Variants in ACSM3 observed in about 807,000 individuals in gnomAD.
ACSM3 encodes the protein acyl-coenzyme A synthetase ACSM3, mitochondrial.
ACSM3 carries 61 observed loss-of-function variants against 74.1 expected under a neutral mutation model. The ratio of observed to expected loss-of-function variants is 0.82; its 90% confidence interval spans 0.67 to 1.02. ACSM3 has a LOEUF of 1.02. ACSM3 is among the 50% of genes least tolerant of loss of function. The probability of loss-of-function intolerance (pLI) is 0.00; values close to 1 mark genes in which losing one functional copy is unlikely to be tolerated. For synonymous variants in ACSM3, 213 were observed against 241.5 expected (o/e 0.88, Z 1.09); for missense variants, 660 against 697.0 (o/e 0.95, Z 0.60).
rs137941767 is a variant in ACSM3, at chr16:20,793,393, C to T, written c.1554+1058C>T. On this transcript the variant is annotated intron_variant, in intron 12 of 13. Coordinates refer to ENST00000289416, the MANE Select transcript of ACSM3 (RefSeq NM_005622.4). ...CTGAGGCAGAAGAATCACTTGGACCCGGGACGGGGAGGTTACAGTGAGCCA... is the reference window on the plus strand; with the variant it reads ...CTGAGGCAGAAGAATCACTTGGACCTGGGACGGGGAGGTTACAGTGAGCCA... 2.4e-3 allele frequency among the ~76,000 whole-genome samples: 366 copies of T among 152,240 alleles called. 1 individual carries two copies. Among genetic ancestry groups the T allele is most frequent in the African/African-American group, 7.8e-3 (326 of 41,530 alleles).
intron 1 of ACSM3, chr16:20,685,056 T>C (rs2079521610): frequency 1.2e-6 from 1 of 827,186 alleles, no homozygotes; most frequent in Non-Finnish European, 2.0e-6. Flanking sequence ...CCTTGCTTTG[T>C]GGTCCCAGCA....
In ACSM3 at chr16:20,691,170, A is replaced by G. The variant is rs143613381; in HGVS notation, c.-190+16348A>G. 5.6e-6 allele frequency: 9 copies of G among 1,599,812 alleles called. No individual in the cohort carries two copies. The African/African-American group carries it at 1.1e-4, about 19-fold the overall frequency. ...TTGTGGATGCCCCAGAGGGTCCGGA[A>G]CCTCATTAGCCACTGCATGGTGAAA... is the stretch of plus-strand genomic sequence containing the variant. On this transcript the variant is annotated intron_variant, in intron 1 of 3. Coordinates refer to the ACSM3 transcript ENST00000561584.
intron 1 of ACSM3, among the ~76,000 whole-genome samples, chr16:20,727,006 C>G (rs892154513): frequency 2.0e-5 from 3 of 152,162 alleles, no homozygotes; most frequent in African/African-American, 4.8e-5. Flanking sequence ...AGCAACTGCT[C>G]AATCAGTATT....
intron 1 of ACSM3, among the ~76,000 whole-genome samples, chr16:20,726,853 C>A (rs1318775036): frequency 6.6e-6 from 1 of 152,182 alleles, no homozygotes; most frequent in South Asian, 2.1e-4. Flanking sequence ...GTGCCTGGTA[C>A]AGAGTATCAT....
chr16:20,741,968 T>A (rs1300896368), intron 1 of ACSM3: 2 of 1,528,090 alleles, frequency 1.3e-6, no homozygotes, highest in Non-Finnish European at 1.8e-6. Flanking sequence ...GACTGCAACC[T>A]GAATCCAGTA....
rs563894371 is a variant in ACSM3, at chr16:20,692,251, T to C, written c.-190+17429T>C. Among the ~76,000 whole-genome samples the C allele has an allele frequency of 3.9e-4, 60 of 152,322 alleles. 1 individual carries two copies. In the South Asian group the frequency reaches 0.012, roughly 31 times the overall value. Reference sequence around the variant, plus strand: ...CAGCCCTCAGGAAATCCTGAGACTATGTGGCCAAGGTGGTTGGGGTACGGC... The same window carrying C: ...CAGCCCTCAGGAAATCCTGAGACTACGTGGCCAAGGTGGTTGGGGTACGGC... On this transcript the variant is annotated intron_variant, in intron 1 of 3. Coordinates refer to the ACSM3 transcript ENST00000561584.
intron 2 of ACSM3, among the ~76,000 whole-genome samples, chr16:20,775,340 A>G (rs1449597345): frequency 6.6e-6 from 1 of 152,146 alleles, no homozygotes; most frequent in Non-Finnish European, 1.5e-5. Flanking sequence ...CTAGTATACT[A>G]TACTATACAG....
At chr16:20,792,593 G>T in intron 12 of ACSM3, 1 of 985,412 alleles carries the variant, frequency 1.0e-6, no homozygotes, top group Non-Finnish European at 1.2e-6. Flanking sequence ...GGTGGACTAG[G>T]GCAAAGATGG....
At chr16:20,728,095 T>A (rs2079812967) in intron 1 of ACSM3, 2 of 235,694 alleles carry the variant, frequency 8.5e-6, no homozygotes, top group African/African-American at 4.7e-5. Context: ...AATCTTAAGT[T>A]TCATTGTCAT....
chr16:20,691,207 A>G, intron 1 of ACSM3: 2 of 1,543,962 alleles, frequency 1.3e-6, no homozygotes, highest in Non-Finnish European at 1.7e-6. Flanking sequence ...AGTCCTCAGA[A>G]ACCAGGCACA....
In ACSM3 at chr16:20,780,789, A is replaced by T. The variant is rs1013644207; in HGVS notation, c.714A>T (p.Thr238=). The T allele has an allele frequency of 1.9e-6, 3 of 1,614,236 alleles. No individual in the cohort carries two copies. The highest frequency in any genetic ancestry group is 2.5e-6 in the Non-Finnish European group (3 of 1,180,028). ...EIMAIFFTSG[T]SGYPKMTAHT... The stretch of plus-strand genomic sequence containing the variant: ...TGGCCATATTCTTTACCAGTGGAAC[A>T]AGTGGATATCCGAAAATGACTGCAC... Residue 238 remains threonine (T), a synonymous_variant, in exon 5 of 14, where the codon ACA becomes ACT. Transcript: ENST00000289416.
intron 4 of ACSM3, 52 bp downstream of exon 4, chr16:20,777,632 T>G: frequency 6.8e-7 from 1 of 1,480,924 alleles, no homozygotes. Flanking sequence ...AAGGCAACAA[T>G]AAAAAGATAT....
At chr16:20,787,049 G>T (rs529889933) in intron 9 of ACSM3, among the ~76,000 whole-genome samples, 1 of 152,142 alleles carries the variant, frequency 6.6e-6, no homozygotes, top group Non-Finnish European at 1.5e-5. Context: ...ATGCCTAGGG[G>T]GAATTCCAGT....
At chr16:20,686,236 T>C (rs934566942) in intron 1 of ACSM3, among the ~76,000 whole-genome samples, 1 of 152,136 alleles carries the variant, frequency 6.6e-6, no homozygotes, top group African/African-American at 2.4e-5. Context: ...AAGTTACTCT[T>C]AGAGGTGAGG....
intron 3 of ACSM3, among the ~76,000 whole-genome samples, chr16:20,756,898 TC>T (rs2080035952): frequency 1.3e-5 from 2 of 152,088 alleles, no homozygotes; most frequent in Non-Finnish European, 2.9e-5. Flanking sequence ...GGGAATCCTT[TC>T]CCCATTGCTT....
At chr16:20,792,435 T>C (rs1468065658) in intron 12 of ACSM3, 100 bp downstream of exon 12, 5 of 1,563,206 alleles carry the variant, frequency 3.2e-6, no homozygotes, top group Non-Finnish European at 4.4e-6. Flanking sequence ...AATGATTCAT[T>C]TACTAAATAT....
intron 1 of ACSM3, among the ~76,000 whole-genome samples, chr16:20,698,004 C>A (rs945955794): frequency 2.6e-5 from 4 of 152,004 alleles, no homozygotes; most frequent in African/African-American, 9.7e-5. Flanking sequence ...ACCATCCTGG[C>A]TAACACGGTG....
At chr16:20,724,871 G>A (rs1312352671) in intron 1 of ACSM3, among the ~76,000 whole-genome samples, 1 of 152,128 alleles carries the variant, frequency 6.6e-6, no homozygotes, top group Middle Eastern at 3.2e-3. Flanking sequence ...ACTGCTCAAG[G>A]AAATAAAAGA....
At chr16:20,721,419 T>C (rs1388901811) in intron 1 of ACSM3, 1 of 152,122 alleles carries the variant, frequency 6.6e-6, no homozygotes, top group Admixed American at 6.6e-5. Flanking sequence ...AGGGTGCAGA[T>C]TGCTGTAAAT....
Sources: gnomAD v4.1 joint callset for allele counts (sites outside exome capture counted in the v4.1 genomes callset) on GRCh38, gnomAD v4.1.1 for gene constraint, MANE v1.5 for transcripts, NCBI Gene and HGNC (gene_info 2026-07-23, HGNC 2026-07-21) for gene names.